FANCB: variants seen among roughly 807,000 people sequenced by gnomAD.
The protein encoded by FANCB is FA complementation group B.
In FANCB, 5 loss-of-function variants were observed where a neutral mutation model predicts 38.9. The observed-to-expected ratio is 0.13, with a 90% CI of 0.07 to 0.27. The LOEUF (loss-of-function observed/expected upper bound fraction) is 0.27, where lower values mean the gene tolerates loss of function less well. FANCB is among the 10% of genes least tolerant of loss of function. The pLI, the probability that FANCB is intolerant of heterozygous loss-of-function variation, is 1.00. For synonymous variants in FANCB, 236 were observed against 215.4 expected, an observed-to-expected ratio of 1.10 and a Z score of -0.84; for missense variants, 573 against 602.7, an observed-to-expected ratio of 0.95 and a Z score of 0.52.
the FANCB span, among the ~76,000 whole-genome samples, chrX:14,737,573 G>A: frequency 8.9e-6 from 1 of 111,998 alleles, no homozygotes; most frequent in African/African-American, 3.2e-5. Context: ...TAAATTACCT[G>A]ACTTTTCTGA....
rs982847717 is a variant in FANCB at position 14,838,227 on chromosome X, T to C, written c.*1567-1972A>G. Among the ~76,000 whole-genome samples the C allele has an allele frequency of 6.2e-5, 7 of 112,140 alleles. No homozygotes were observed. The South Asian group carries it at 1.1e-3, about 18-fold the overall frequency. Reference sequence around the variant, plus strand: ...ACTATTTATATTATCCACCATGCCATAGAAAATTGGTATGCAAGTGTGGGC... The same window carrying C: ...ACTATTTATATTATCCACCATGCCACAGAAAATTGGTATGCAAGTGTGGGC... On this transcript the variant is annotated intron_variant and NMD_transcript_variant, in intron 10 of 10. Transcript: ENST00000643728.
chrX:14,704,935 T>C, the FANCB span, among the ~76,000 whole-genome samples: 2 of 111,916 alleles, frequency 1.8e-5, no homozygotes, highest in Non-Finnish European at 3.8e-5. Context: ...AAGAGAGTTA[T>C]AGTTGGAGCT....
At chrX:14,835,185 C>A (rs943288582), downstream of FANCB, 1 of 525,341 alleles carries the variant, frequency 1.9e-6, no homozygotes, top group African/African-American at 2.3e-5. Context: ...CTAAACAGAC[C>A]GTTCTTAAAG....
At chrX:14,769,651 C>T in the FANCB span, among the ~76,000 whole-genome samples, 1 of 111,412 alleles carries the variant, frequency 9.0e-6, no homozygotes, top group East Asian at 2.8e-4. Context: ...GTGTCTCCAT[C>T]TCCTTCAGTT....
the FANCB span, among the ~76,000 whole-genome samples, chrX:14,760,968 C>G: frequency 2.7e-5 from 3 of 110,429 alleles, no homozygotes; most frequent in Admixed American, 9.7e-5. Flanking sequence ...GAGTCTCTGT[C>G]TCAAAAACAA....
chrX:14,714,469 A>G, the FANCB span, among the ~76,000 whole-genome samples: 1 of 111,853 alleles, frequency 8.9e-6, no homozygotes, highest in Middle Eastern at 4.6e-3. Flanking sequence ...GAGAAGAAAT[A>G]AAGAATGGGT....
At chrX:14,697,657 A>G in the FANCB span, among the ~76,000 whole-genome samples, 1 of 110,821 alleles carries the variant, frequency 9.0e-6, no homozygotes, top group Non-Finnish European at 1.9e-5. Context: ...TGCTGCCCCT[A>G]CTGGTCACTT....
At chrX:14,722,823 G>A in the FANCB span, among the ~76,000 whole-genome samples, 1 of 111,924 alleles carries the variant, frequency 8.9e-6, no homozygotes, top group Non-Finnish European at 1.9e-5. Flanking sequence ...ACTCCATAAA[G>A]CTTCCTTTGG....
At position 14,844,561 on chromosome X, in the gene FANCB, T is replaced by A. The variant is rs2092367669; in HGVS notation, c.2107A>T (p.Thr703Ser). 2.5e-6 allele frequency: 3 copies of A among 1,209,687 alleles called. No individual in the cohort carries two copies. The highest frequency in any genetic ancestry group is 4.3e-5 in the Admixed American group (2 of 46,042). The change falls in exon 9 of 10, where the codon ACA (threonine) becomes TCA (serine). Residue 703 changes from threonine to serine, a missense_variant. Coordinates refer to ENST00000650831, the MANE Select transcript of FANCB (RefSeq NM_001018113.3). Reference sequence around the variant, plus strand: ...GTTCTCTGTTTCCAAGTGAAGAGTGTCCCATAGAAACTTCCCGGTCTTTCA... The same window carrying A: ...GTTCTCTGTTTCCAAGTGAAGAGTGACCCATAGAAACTTCCCGGTCTTTCA... ...FCERPGSFYG[T>S]LFTWKQRTPF...
At chrX:14,768,234 T>C in the FANCB span, among the ~76,000 whole-genome samples, 20 of 112,127 alleles carry the variant, frequency 1.8e-4, no homozygotes, top group African/African-American at 6.5e-4. Context: ...GCATTGAATC[T>C]ATAAATTACT....
chrX:14,846,901 T>C (rs762143312), intron 7 of FANCB, among the ~76,000 whole-genome samples: 121 of 110,478 alleles, frequency 1.1e-3, no homozygotes, highest in African/African-American at 3.8e-3. Flanking sequence ...CAAGTCCAAT[T>C]TACAGTCCTT....
At chrX:14,772,510 C>G in the FANCB span, among the ~76,000 whole-genome samples, 1 of 112,361 alleles carries the variant, frequency 8.9e-6, no homozygotes, top group Admixed American at 9.4e-5. Flanking sequence ...GCTGCCCCTC[C>G]TCCCAGGAAC....
chrX:14,715,877 A>G, the FANCB span, among the ~76,000 whole-genome samples: 1 of 111,976 alleles, frequency 8.9e-6, no homozygotes, highest in Non-Finnish European at 1.9e-5. Flanking sequence ...GCAATGGTCC[A>G]ACGGCATCTA....
chrX:14,838,500 CT>C (rs1326332550), downstream of FANCB, among the ~76,000 whole-genome samples: 1 of 111,533 alleles, frequency 9.0e-6, no homozygotes, highest in Non-Finnish European at 1.9e-5. Context: ...ACCATCACCC[CT>C]GACCCCCATC....
chrX:14,835,432 A>G, downstream of FANCB: 1 of 326,426 alleles, frequency 3.1e-6, no homozygotes, highest in Non-Finnish European at 5.6e-6. Flanking sequence ...TGATTCTTAT[A>G]TACAACTGTG....
chrX:14,717,791 T>C, the FANCB span, among the ~76,000 whole-genome samples: 1 of 108,791 alleles, frequency 9.2e-6, no homozygotes, highest in Admixed American at 9.8e-5. Context: ...TTATCAAGAA[T>C]TTTTTGAGCA....
chrX:14,707,081 AC>A, the FANCB span, among the ~76,000 whole-genome samples: 1 of 111,556 alleles, frequency 9.0e-6, no homozygotes, highest in Non-Finnish European at 1.9e-5. Context: ...CCAGCCAAGT[AC>A]CCTATCCTGT....
rs2092368043 is a variant in FANCB at position 14,844,602 on chromosome X, G to A, written c.2066C>T (p.Pro689Leu). 1.7e-6 allele frequency: 2 copies of A among 1,207,559 alleles called. No individual in the cohort carries two copies. Residue 689 changes from proline to leucine, a missense_variant, in exon 9 of 10, where the codon CCA becomes CTA. Transcript: ENST00000650831. ...HMKCEIIKEF[P>L]EVYFCERPGS... ...CGGTCTTTCACAAAAGTACACTTCT[G>A]GAAATTCTTTGATTATTTCACATTT... is the stretch of plus-strand genomic sequence containing the variant.
the FANCB span, among the ~76,000 whole-genome samples, chrX:14,698,960 T>G: frequency 9.0e-6 from 1 of 111,445 alleles, no homozygotes; most frequent in East Asian, 2.8e-4. Context: ...GGGGTCACTT[T>G]CAAGGAGTGG....
Sources: allele counts gnomAD v4.1 joint callset (sites outside exome capture counted in the v4.1 genomes callset), GRCh38; gene constraint gnomAD v4.1.1; transcripts MANE v1.5; gene names NCBI Gene and HGNC (gene_info 2026-07-23, HGNC 2026-07-21).